The following COL22A1 variants were observed in gnomAD, a reference collection of about 807,000 sequenced individuals.
The protein encoded by COL22A1 is collagen alpha-1(XXII) chain.
In COL22A1, 221 loss-of-function variants were observed where a neutral mutation model predicts 248.9. The ratio of observed to expected loss-of-function variants is 0.89; its 90% CI spans 0.80 to 0.99. COL22A1 has a LOEUF of 0.99. Ranked by LOEUF, COL22A1 falls within the 50% of genes least tolerant of loss-of-function variation. The pLI, the probability that COL22A1 is intolerant of heterozygous loss-of-function variation, is 0.00. For synonymous variants in COL22A1, 891 were observed against 793.4 expected (o/e 1.12, Z -2.07); for missense variants, 2,240 against 2,179.0 (o/e 1.03, Z -0.56).
chr8:138,741,009 T>C (rs1831514728), intron 22 of COL22A1, among the ~76,000 whole-genome samples: 4 of 152,306 alleles, frequency 2.6e-5, no homozygotes, highest in African/African-American at 9.6e-5. Context: ...GATTTGGAGA[T>C]TCCTGGGGTT....
At chr8:138,607,908 C>T in intron 57 of COL22A1, 28 bp downstream of exon 57, 1 of 1,610,538 alleles carries the variant, frequency 6.2e-7, no homozygotes, top group South Asian at 1.1e-5. Context: ...ACCCTGATGC[C>T]ATCACATAGC....
At chr8:138,637,388 G>C (rs538657204) in intron 47 of COL22A1, among the ~76,000 whole-genome samples, 1 of 152,300 alleles carries the variant, frequency 6.6e-6, no homozygotes, top group South Asian at 2.1e-4. Flanking sequence ...TAAGTTCCTT[G>C]CTCCCTCCCT....
intron 22 of COL22A1, among the ~76,000 whole-genome samples, chr8:138,739,200 T>A (rs1224357861): frequency 6.6e-6 from 1 of 152,132 alleles, no homozygotes; most frequent in Non-Finnish European, 1.5e-5. Flanking sequence ...CAGCCTGCCC[T>A]CCATGACCTC....
At chr8:138,731,998 C>A (rs1830746825) in intron 23 of COL22A1, among the ~76,000 whole-genome samples, 1 of 152,200 alleles carries the variant, frequency 6.6e-6, no homozygotes, top group Non-Finnish European at 1.5e-5. Context: ...TGAGTTACCT[C>A]ACTGGTAAGT....
intron 12 of COL22A1, among the ~76,000 whole-genome samples, chr8:138,790,970 C>T (rs62530723): frequency 0.028 from 4,328 of 152,282 alleles, 81 homozygotes; most frequent in Middle Eastern, 0.061. Context: ...CTAGTACTTG[C>T]TATGATTTCA....
At chr8:138,757,519 A>G (rs4736040) in intron 18 of COL22A1, among the ~76,000 whole-genome samples, 100,754 of 152,066 alleles carry the variant, frequency 0.66, 34,006 homozygotes, top group East Asian at 0.92. Flanking sequence ...CAATCAACAC[A>G]TGTTTTAATT....
chr8:138,757,743 G>A (rs1192321986), intron 18 of COL22A1, among the ~76,000 whole-genome samples: 1 of 152,244 alleles, frequency 6.6e-6, no homozygotes, highest in Non-Finnish European at 1.5e-5. Context: ...CTGGGGCACA[G>A]ATACACCGAG....
At chr8:138,705,022 A>C (rs1424085058) in intron 30 of COL22A1, among the ~76,000 whole-genome samples, 1 of 152,214 alleles carries the variant, frequency 6.6e-6, no homozygotes, top group Non-Finnish European at 1.5e-5. Context: ...AGTGGAAGAA[A>C]GGGTATCAAT....
chr8:138,660,811 T>TAC (rs1421790002), intron 43 of COL22A1, among the ~76,000 whole-genome samples: 1 of 59,086 alleles, frequency 1.7e-5, no homozygotes, highest in African/African-American at 3.6e-5. Context: ...CAGACACACA[T>TAC]ACACACATAC....
chr8:138,640,585 G>A (rs1234351340), intron 47 of COL22A1, among the ~76,000 whole-genome samples: 1 of 152,044 alleles, frequency 6.6e-6, no homozygotes. Context: ...GGCCTTCACA[G>A]GTTACCCCTT....
At chr8:138,689,357 G>T (rs1826637267) in intron 36 of COL22A1, among the ~76,000 whole-genome samples, 1 of 152,148 alleles carries the variant, frequency 6.6e-6, no homozygotes, top group African/African-American at 2.4e-5. Context: ...TGTCTTTGGA[G>T]TCCCCAAAAG....
chr8:138,696,911 A>T (rs1467170508), intron 32 of COL22A1, among the ~76,000 whole-genome samples: 2 of 152,204 alleles, frequency 1.3e-5, no homozygotes, highest in Non-Finnish European at 2.9e-5. Context: ...GGGGATTTGC[A>T]AGTCTTTTTC....
chr8:138,804,770 T>A lies in COL22A1; in HGVS notation c.1495-1836A>T, dbSNP rs779725327. ...ATGAGGGGTGTGTGTGTGATGGGTG[T>A]GTGTGTGATGAGGTGCGTGTGGTGT... On this transcript the variant is annotated intron_variant, in intron 10 of 64. Coordinates refer to ENST00000303045, the MANE Select transcript of COL22A1 (RefSeq NM_152888.3). Among the ~76,000 whole-genome samples, 115 of 136,942 alleles carry A rather than the reference T, an allele frequency of 8.4e-4. No homozygotes were observed. In the Middle Eastern group the frequency reaches 0.017, roughly 21 times the overall value. 89.8% of individuals were successfully genotyped at this position (136,942 alleles called of 152,430 possible).
At chr8:138,797,790 G>GT (rs1816678191) in intron 11 of COL22A1, among the ~76,000 whole-genome samples, 1 of 151,950 alleles carries the variant, frequency 6.6e-6, no homozygotes, top group Admixed American at 6.6e-5. Context: ...TTGTTGATTG[G>GT]TTTTTCATTC....
intron 10 of COL22A1, among the ~76,000 whole-genome samples, chr8:138,807,229 C>T (rs1817807420): frequency 6.6e-6 from 1 of 152,098 alleles, no homozygotes; most frequent in African/African-American, 2.4e-5. Context: ...ACACTCAGTT[C>T]CTCTTTCAAA....
chr8:138,766,996 C>A (rs1421533863), intron 16 of COL22A1, among the ~76,000 whole-genome samples: 1 of 152,172 alleles, frequency 6.6e-6, no homozygotes, highest in Non-Finnish European at 1.5e-5. Context: ...GTAGAGGGGA[C>A]ATGGGTGGTG....
chr8:138,601,724 C>T (rs543755863), intron 60 of COL22A1, among the ~76,000 whole-genome samples: 1 of 152,176 alleles, frequency 6.6e-6, no homozygotes, highest in East Asian at 1.9e-4. Context: ...TCACCTCCAG[C>T]GACAAATTTG....
chr8:138,611,408 G>A (rs1040763775), intron 56 of COL22A1, among the ~76,000 whole-genome samples: 2 of 152,224 alleles, frequency 1.3e-5, no homozygotes, highest in African/African-American at 2.4e-5. Flanking sequence ...CCAGATGGCT[G>A]AACTCCAGAA....
intron 12 of COL22A1, among the ~76,000 whole-genome samples, chr8:138,790,431 G>C (rs1815933220): frequency 6.6e-6 from 1 of 152,160 alleles, no homozygotes; most frequent in South Asian, 2.1e-4. Context: ...TGGTTCCCCT[G>C]ATATGCAGAA....
Sources: allele counts gnomAD v4.1 joint callset (sites outside exome capture counted in the v4.1 genomes callset), GRCh38; gene constraint gnomAD v4.1.1; transcripts MANE v1.5; gene names NCBI Gene and HGNC (gene_info 2026-07-23, HGNC 2026-07-21).